RBFOX1: variants seen among roughly 807,000 people sequenced by gnomAD.
RBFOX1 encodes RNA binding protein fox-1 homolog 1.
In RBFOX1, 8 loss-of-function variants were observed where a neutral mutation model predicts 57.7. The ratio of observed to expected loss-of-function variants is 0.14; its 90% confidence interval spans 0.08 to 0.25. RBFOX1 has a LOEUF of 0.25. Ranked by LOEUF, RBFOX1 falls within the 10% of genes least tolerant of loss-of-function variation. The probability of loss-of-function intolerance (pLI) is 1.00; values close to 1 mark genes in which losing one functional copy is unlikely to be tolerated. For missense variants in RBFOX1, 611 were observed against 548.5 expected (o/e 1.11, Z -1.14); for synonymous variants, 326 against 222.4 (o/e 1.47, Z -4.15).
intron 3 of RBFOX1, among the ~76,000 whole-genome samples, chr16:6,864,985 TTTTCTTTTTC>T (rs1308378559): frequency 7.2e-5 from 8 of 111,054 alleles, no homozygotes; most frequent in African/African-American, 2.8e-4. Context: ...TGGAGTGGGT[TTTTCTTTTTC>T]TTTTTTTTTT....
At chr16:6,337,269 G>C (rs2152819168) in intron 2 of RBFOX1, among the ~76,000 whole-genome samples, 1 of 152,246 alleles carries the variant, frequency 6.6e-6, no homozygotes, top group East Asian at 1.9e-4. Flanking sequence ...CTTTAATGGT[G>C]CATTTAAAGT....
At chr16:7,701,404 T>C (rs912246985) in intron 14 of RBFOX1, among the ~76,000 whole-genome samples, 2 of 152,170 alleles carry the variant, frequency 1.3e-5, no homozygotes, top group African/African-American at 4.8e-5. Context: ...CAGCATTAGA[T>C]TCTCATGGGA....
Position 6,435,871 on chromosome 16 carries a change from TG to T in RBFOX1, c.-64+118815del. ...ACATGTGCCATTCATCAAATTCCAA[TG>T]TTCCATACATTTATGAATGATCTGT... On this transcript the variant is annotated intron_variant, in intron 2 of 15. Transcript: ENST00000550418. Among the ~76,000 whole-genome samples the T allele has an allele frequency of 2.0e-5, 3 of 152,290 alleles. No homozygotes were observed. In the South Asian group the frequency reaches 6.2e-4, roughly 32 times the overall value.
intron 3 of RBFOX1, among the ~76,000 whole-genome samples, chr16:6,861,468 G>C (rs2058981562): frequency 6.8e-6 from 1 of 147,006 alleles, no homozygotes; most frequent in African/African-American, 2.4e-5. Context: ...CAAAAGGAAT[G>C]ATTCCCCTCC....
At chr16:5,597,395 CTT>C (rs35058375) in intron 2 of RBFOX1, among the ~76,000 whole-genome samples, 36,206 of 113,986 alleles carry the variant, frequency 0.32, 6,224 homozygotes, top group East Asian at 0.8. Context: ...AGCTTGCTGA[CTT>C]TTTTTTTTTT....
At chr16:7,616,516 G>C (rs2058472262) in intron 10 of RBFOX1, among the ~76,000 whole-genome samples, 2 of 152,180 alleles carry the variant, frequency 1.3e-5, no homozygotes, top group South Asian at 2.1e-4. Context: ...TAAACAATTG[G>C]ATCAAACCTA....
intron 3 of RBFOX1, among the ~76,000 whole-genome samples, chr16:6,674,175 T>C (rs563186934): frequency 6.6e-6 from 1 of 152,280 alleles, no homozygotes; most frequent in South Asian, 2.1e-4. Context: ...AAAAGATATG[T>C]TGAAGTCCTA....
At chr16:6,316,954 C>T in intron 1 of RBFOX1, 41 bp from the exon 2 acceptor site, 4 of 1,494,034 alleles carry the variant, frequency 2.7e-6, no homozygotes, top group Non-Finnish European at 2.7e-6. Flanking sequence ...TTCAAGAATA[C>T]ATTTCTTGAT....
At chr16:6,925,771 G>C (rs1440622214) in intron 3 of RBFOX1, among the ~76,000 whole-genome samples, 1 of 151,876 alleles carries the variant, frequency 6.6e-6, no homozygotes, top group African/African-American at 2.4e-5. Context: ...AAATCCCCCA[G>C]GTAGGGATGA....
chr16:6,218,710 T>C (rs943290906), intron 1 of RBFOX1, among the ~76,000 whole-genome samples: 5 of 152,208 alleles, frequency 3.3e-5, no homozygotes, highest in African/African-American at 1.2e-4. Context: ...GGAAAATTTG[T>C]GTCCGTGGAA....
chr16:7,141,099 C>A (rs1165714493), intron 4 of RBFOX1, among the ~76,000 whole-genome samples: 1 of 152,118 alleles, frequency 6.6e-6, no homozygotes, highest in African/African-American at 2.4e-5. Flanking sequence ...GTTTCTGAAC[C>A]ATGAGTCATC....
chr16:6,944,412 AAAAGAAAG>A (rs1211883516), intron 3 of RBFOX1, among the ~76,000 whole-genome samples: 4 of 149,878 alleles, frequency 2.7e-5, no homozygotes, highest in African/African-American at 1.0e-4. Context: ...AAAAAAAAAA[AAAAGAAAG>A]AAAAGAAAAA....
intron 3 of RBFOX1, among the ~76,000 whole-genome samples, chr16:5,828,975 C>A (rs567472292): frequency 6.6e-6 from 1 of 152,124 alleles, no homozygotes; most frequent in Non-Finnish European, 1.5e-5. Flanking sequence ...TCCGGGTCTC[C>A]CACAGGCTGC....
intron 4 of RBFOX1, among the ~76,000 whole-genome samples, chr16:7,186,994 C>CAAAAAAAA (rs35177784): frequency 5.8e-5 from 4 of 69,290 alleles, no homozygotes; most frequent in Admixed American, 1.8e-4. Context: ...CCCACCTCCA[C>CAAAAAAAA]AAAAAAAAAA....
chr16:7,274,795 A>G (rs2095408811), intron 4 of RBFOX1, among the ~76,000 whole-genome samples: 1 of 151,880 alleles, frequency 6.6e-6, no homozygotes, highest in Non-Finnish European at 1.5e-5. Context: ...AGTGATTCTC[A>G]TGGCTCAGCC....
chr16:5,314,706 G>A (rs2064184260), intron 1 of RBFOX1, among the ~76,000 whole-genome samples: 1 of 151,788 alleles, frequency 6.6e-6, no homozygotes, highest in Non-Finnish European at 1.5e-5. Context: ...TTGTTATGTT[G>A]CCTAGGCTGG....
chr16:5,241,822 C>T (rs979611423), intron 1 of RBFOX1, among the ~76,000 whole-genome samples: 1 of 151,964 alleles, frequency 6.6e-6, no homozygotes, highest in Non-Finnish European at 1.5e-5. Flanking sequence ...GGTTCTTGGC[C>T]GGGCGTGGTG....
chr16:6,942,040 C>T (rs1172550994), intron 3 of RBFOX1, among the ~76,000 whole-genome samples: 1 of 151,862 alleles, frequency 6.6e-6, no homozygotes, highest in East Asian at 1.9e-4. Flanking sequence ...AGCAGCCTGG[C>T]CAAAATGGTG....
chr16:6,296,650 G>T (rs1009410865), intron 1 of RBFOX1, among the ~76,000 whole-genome samples: 4 of 152,140 alleles, frequency 2.6e-5, no homozygotes, highest in African/African-American at 9.7e-5. Context: ...TCGATCTCCT[G>T]ACCTTGTGAT....
Sources: gnomAD v4.1 joint callset for allele counts (sites outside exome capture counted in the v4.1 genomes callset) on GRCh38, gnomAD v4.1.1 for gene constraint, MANE v1.5 for transcripts, NCBI Gene and HGNC (gene_info 2026-07-23, HGNC 2026-07-21) for gene names.